The following CTIF variants were observed in gnomAD, a reference collection of about 807,000 sequenced individuals.
CTIF encodes cap binding complex dependent translation initiation factor, also known as CBP80/20-dependent translation initiation factor.
Under a neutral mutation model 66.0 loss-of-function variants are expected in CTIF, and 21 were observed. The ratio of observed to expected loss-of-function variants is 0.32; its 90% CI spans 0.23 to 0.46. The LOEUF (loss-of-function observed/expected upper bound fraction) is 0.46. CTIF is among the 20% of genes least tolerant of loss of function. The pLI is 1.00. For synonymous variants in CTIF, 345 were observed against 326.4 expected, an observed-to-expected ratio of 1.06 and a Z score of -0.62; for missense variants, 739 against 812.7, an observed-to-expected ratio of 0.91 and a Z score of 1.10.
chr18:48,685,411 C>T lies in CTIF; in HGVS notation c.507+14667C>T, dbSNP rs893201986. ...CTAATTTTTCTATTTTTGGTAGAGACGGGGTTTCACCATGTTAGCCAGGCT... is the reference window on the plus strand; with the variant it reads ...CTAATTTTTCTATTTTTGGTAGAGATGGGGTTTCACCATGTTAGCCAGGCT... On this transcript the variant is annotated intron_variant, in intron 6 of 11. Coordinates refer to ENST00000256413, the MANE Select transcript of CTIF (RefSeq NM_014772.3). Among the ~76,000 whole-genome samples the T allele has an allele frequency of 6.6e-5, 10 of 151,168 alleles. No homozygotes were observed. The South Asian group carries it at 1.0e-3, about 16-fold the overall frequency.
chr18:48,664,837 G>C (rs144044048), intron 5 of CTIF, among the ~76,000 whole-genome samples: 1 of 152,142 alleles, frequency 6.6e-6, no homozygotes, highest in Admixed American at 6.5e-5. Context: ...TCACCTGGGC[G>C]GTGGCACAGA....
chr18:48,658,564 TTGTG>T (rs1328687635), intron 3 of CTIF, among the ~76,000 whole-genome samples: 1 of 152,014 alleles, frequency 6.6e-6, no homozygotes, highest in Non-Finnish European at 1.5e-5. Context: ...GTGGCACACA[TTGTG>T]TGGATGTGTG....
At chr18:48,856,747 G>A (rs1348672933) in intron 10 of CTIF, among the ~76,000 whole-genome samples, 5 of 152,238 alleles carry the variant, frequency 3.3e-5, no homozygotes, top group Non-Finnish European at 5.9e-5. Context: ...GCCAGAGGCT[G>A]GAGTGAGGAG....
chr18:48,666,617 C>A (rs531496690), intron 5 of CTIF, among the ~76,000 whole-genome samples: 2 of 152,348 alleles, frequency 1.3e-5, no homozygotes, highest in East Asian at 3.9e-4. Context: ...CTCTCACACG[C>A]CTCTTTTTCA....
intron 9 of CTIF, among the ~76,000 whole-genome samples, chr18:48,781,931 G>C (rs959562365): frequency 6.6e-6 from 1 of 152,308 alleles, no homozygotes; most frequent in African/African-American, 2.4e-5. Flanking sequence ...AAAATAGTTT[G>C]TAAACTGTAA....
chr18:48,560,249 CAG>C (rs1241803781), intron 1 of CTIF, among the ~76,000 whole-genome samples: 2 of 141,432 alleles, frequency 1.4e-5, no homozygotes, highest in African/African-American at 2.6e-5. Context: ...TTTTTTGAGA[CAG>C]AGTCTCGCTC....
At chr18:48,544,072 T>G (rs2088688885) in intron 1 of CTIF, among the ~76,000 whole-genome samples, 1 of 152,216 alleles carries the variant, frequency 6.6e-6, no homozygotes, top group South Asian at 2.1e-4. Flanking sequence ...AAAGCTGGGA[T>G]GCGTGTGTAC....
chr18:48,813,156 G>A (rs2068295848), intron 9 of CTIF, among the ~76,000 whole-genome samples: 1 of 152,012 alleles, frequency 6.6e-6, no homozygotes, highest in Non-Finnish European at 1.5e-5. Context: ...TGATTTTGCT[G>A]TTGGATTTCT....
In CTIF at chr18:48,860,646, A is replaced by G. The variant is rs1053351000; in HGVS notation, c.*1087A>G. 1 of 152,176 alleles carries G rather than the reference A, an allele frequency of 6.6e-6. No individual in the cohort carries two copies. The highest frequency in any genetic ancestry group is 1.5e-5 in the Non-Finnish European group (1 of 68,120). 9.4% of individuals were successfully genotyped at this position (152,176 alleles called of 1,614,324 possible). On this transcript the variant is annotated 3_prime_UTR_variant, in exon 12 of 12. Coordinates refer to ENST00000256413, the MANE Select transcript of CTIF (RefSeq NM_014772.3). ...TTCTAGATGGTGTCTTGCGCTCCAC[A>G]CGCAGGTCTTACTGGGGAAAAGGAT...
chr18:48,799,686 G>A (rs764238478), intron 9 of CTIF, among the ~76,000 whole-genome samples: 1 of 152,052 alleles, frequency 6.6e-6, no homozygotes, highest in Non-Finnish European at 1.5e-5. Context: ...ATTAATATAG[G>A]GGCCAGAAGC....
intron 1 of CTIF, among the ~76,000 whole-genome samples, chr18:48,612,365 G>C (rs777991988): frequency 3.0e-4 from 46 of 152,322 alleles, no homozygotes; most frequent in Non-Finnish European, 5.3e-4. Context: ...CCCTGCCCTG[G>C]GGGCCACCTG....
intron 1 of CTIF, among the ~76,000 whole-genome samples, chr18:48,563,711 A>G (rs1254836583): frequency 3.9e-5 from 6 of 152,220 alleles, no homozygotes; most frequent in Non-Finnish European, 8.8e-5. Flanking sequence ...ACTTCAGGTG[A>G]TCTGCCTGCC....
chr18:48,564,019 A>T (rs904086321), intron 1 of CTIF, among the ~76,000 whole-genome samples: 1 of 152,070 alleles, frequency 6.6e-6, no homozygotes, highest in Non-Finnish European at 1.5e-5. Flanking sequence ...GATCTGGGGG[A>T]AAGGCTGCTC....
chr18:48,576,147 G>A (rs114924562), intron 1 of CTIF, among the ~76,000 whole-genome samples: 2,003 of 152,372 alleles, frequency 0.013, 54 homozygotes, highest in African/African-American at 0.046. Context: ...AGGCGCCGAG[G>A]ATGGGGCCTG....
In CTIF at chr18:48,582,347, G is replaced by A. The variant is rs1007290199; in HGVS notation, c.-28-37191G>A. ...ACACACCCGTGGGAACAGAGAAGAA[G>A]GGGAGAGGGAGACATTTTCATAAAA... On this transcript the variant is annotated intron_variant, in intron 1 of 11. Coordinates refer to ENST00000256413, the MANE Select transcript of CTIF (RefSeq NM_014772.3). Among the ~76,000 whole-genome samples the A allele has an allele frequency of 2.6e-5, 4 of 152,100 alleles. No individual in the cohort carries two copies. The East Asian group carries it at 5.8e-4, about 22-fold the overall frequency.
At chr18:48,799,176 T>A (rs902324392) in intron 9 of CTIF, among the ~76,000 whole-genome samples, 12 of 152,218 alleles carry the variant, frequency 7.9e-5, no homozygotes, top group Non-Finnish European at 1.8e-4. Flanking sequence ...AAGCAAGGTG[T>A]GGTCTCTGGC....
At chr18:48,802,594 G>T (rs2068069940) in intron 9 of CTIF, among the ~76,000 whole-genome samples, 1 of 152,254 alleles carries the variant, frequency 6.6e-6, no homozygotes, top group Non-Finnish European at 1.5e-5. Context: ...GCTGCTGTGT[G>T]GGGCAGAGCC....
intron 1 of CTIF, among the ~76,000 whole-genome samples, chr18:48,543,614 G>A (rs912815252): frequency 1.3e-5 from 2 of 152,116 alleles, no homozygotes; most frequent in African/African-American, 4.8e-5. Context: ...TTGGATCTCC[G>A]GCACCCAGAG....
chr18:48,611,719 C>T (rs983116271), intron 1 of CTIF, among the ~76,000 whole-genome samples: 8 of 152,158 alleles, frequency 5.3e-5, no homozygotes, highest in African/African-American at 7.2e-5. Context: ...GCAGTGCTCC[C>T]GGCCAATATG....
Sources: allele counts gnomAD v4.1 joint callset (sites outside exome capture counted in the v4.1 genomes callset), GRCh38; gene constraint gnomAD v4.1.1; transcripts MANE v1.5; gene names NCBI Gene and HGNC (gene_info 2026-07-23, HGNC 2026-07-21).